Variants in EIF3C observed in about 807,000 individuals in gnomAD.
The protein encoded by EIF3C is cell migration-inducing protein 17.
In EIF3C, 2 loss-of-function variants were observed where a neutral mutation model predicts 11.1. The ratio of observed to expected loss-of-function variants is 0.18; its 90% CI spans 0.07 to 0.57. The LOEUF (loss-of-function observed/expected upper bound fraction) is 0.57, where lower values mean the gene tolerates loss of function less well. Ranked by LOEUF, EIF3C falls within the 20% of genes least tolerant of loss-of-function variation. The probability of loss-of-function intolerance (pLI) is 0.92; values close to 1 mark genes in which losing one functional copy is unlikely to be tolerated. For synonymous variants in EIF3C, 2 were observed against 41.5 expected (o/e 0.05, Z 3.66); for missense variants, 16 against 114.6 (o/e 0.14, Z 3.93).
chr16:28,698,358 A>C (rs865867909), intron 1 of EIF3C, among the ~76,000 whole-genome samples: 1,604 of 87,978 alleles, frequency 0.018, 77 homozygotes, highest in African/African-American at 0.085. Flanking sequence ...CACCTCCCGG[A>C]CGGGGCGGCT....
Position 28,699,873 on chromosome 16 carries a change from C to A in EIF3C, c.-31+11045C>A, listed in dbSNP as rs1272234262. Among the ~76,000 whole-genome samples the A allele has an allele frequency of 1.4e-4, 13 of 90,950 alleles. 4 individuals carry two copies. The highest frequency in any genetic ancestry group is 2.8e-4 in the Non-Finnish European group (13 of 46,026). 59.7% of individuals were successfully genotyped at this position (90,950 alleles called of 152,430 possible). A position where few individuals can be genotyped will look rare whatever the true frequency, so the allele number is the denominator to read the frequency against. ...TTTTTTTTCTTTTAATATCTAAAAT[C>A]CTTTTTAGAACATCATTGCTGTTTG... On this transcript the variant is annotated intron_variant, in intron 1 of 20. Transcript: ENST00000566501.
At chr16:28,693,047 TACA>T (rs1471268322) in intron 1 of EIF3C, among the ~76,000 whole-genome samples, 1 of 71,990 alleles carries the variant, frequency 1.4e-5, no homozygotes, top group East Asian at 4.2e-4. Context: ...TTTTAGGAGC[TACA>T]TTTCCAATCT....
intron 1 of EIF3C, among the ~76,000 whole-genome samples, chr16:28,697,813 A>G (rs1231970460): frequency 2.2e-4 from 18 of 82,056 alleles, no homozygotes; most frequent in South Asian, 8.6e-4. Flanking sequence ...CTCGCCGGGC[A>G]GGGGGGCTGA....
chr16:28,728,487 CTT>C (rs1370209290), intron 15 of EIF3C, among the ~76,000 whole-genome samples: 7 of 76,228 alleles, frequency 9.2e-5, no homozygotes, highest in Non-Finnish European at 2.2e-4. Context: ...GTGTGTGTAT[CTT>C]TTAGGGGGTG....
intron 1 of EIF3C, among the ~76,000 whole-genome samples, chr16:28,698,506 T>C (rs1364304470): frequency 9.3e-5 from 7 of 75,380 alleles, no homozygotes; most frequent in South Asian, 2.0e-3. Flanking sequence ...CCCTCCCGGA[T>C]GGGGCGGCTG....
At chr16:28,692,192 ACT>A (rs2048221652) in intron 1 of EIF3C, among the ~76,000 whole-genome samples, 1 of 57,296 alleles carries the variant, frequency 1.7e-5, no homozygotes, top group Non-Finnish European at 3.2e-5. Flanking sequence ...ACTGAGTCTC[ACT>A]CTGTCACCCA....
At position 28,689,279 on chromosome 16, in the gene EIF3C, T is replaced by G. The variant is rs2048210748; in HGVS notation, c.-31+451T>G. Among the ~76,000 whole-genome samples the G allele has an allele frequency of 3.9e-5, 2 of 50,674 alleles. 1 individual carries two copies. Among genetic ancestry groups the G allele is most frequent in the South Asian group, 1.2e-3 (2 of 1,610 alleles). The allele number at this position is 50,674 out of a possible 152,430, so 33.2% of individuals were successfully genotyped here. On this transcript the variant is annotated intron_variant, in intron 1 of 20. Coordinates refer to the EIF3C transcript ENST00000566501. ...ATCCCCTGTAAATAGTTCATTTTTC[T>G]GTTAAAACTTCCCTGTTTAAATGAC...
At position 28,698,458 on chromosome 16, in the gene EIF3C, G is replaced by A. The variant is rs1375368732; in HGVS notation, c.-31+9630G>A. On this transcript the variant is annotated intron_variant, in intron 1 of 20. Transcript: ENST00000566501. The stretch of plus-strand genomic sequence containing the variant: ...TGACCCCCCCACCTCCCTCCCGGAT[G>A]GCACGGCTGGCCAGGCGGAGGGGCT... Among the ~76,000 whole-genome samples the A allele has an allele frequency of 5.9e-4, 36 of 61,350 alleles. 2 individuals carry two copies. The highest frequency in any genetic ancestry group is 8.9e-4 in the Non-Finnish European group (32 of 36,012). The allele number at this position is 61,350 out of a possible 152,430, so 40.2% of individuals were successfully genotyped here.
intron 2 of EIF3C, chr16:28,712,288 C>T (rs2048307060): frequency 1.5e-5 from 1 of 68,198 alleles, no homozygotes; most frequent in African/African-American, 5.1e-5. Context: ...TTTTTTTACC[C>T]TTTGGAACAA....
chr16:28,701,214 C>G (rs1488601361), intron 1 of EIF3C: 2 of 375,442 alleles, frequency 5.3e-6, no homozygotes, highest in Middle Eastern at 1.0e-3. Flanking sequence ...ACTGCTTTTG[C>G]TGAGCGTGTC....
At chr16:28,728,430 TGTGTGTGTGTCTCTTTTAGGGG>T (rs1419371361) in intron 15 of EIF3C, among the ~76,000 whole-genome samples, 1 of 34,086 alleles carries the variant, frequency 2.9e-5, no homozygotes, top group East Asian at 5.8e-4. Flanking sequence ...CTTTTAGGGG[TGTGTGTGTGTCTCTTTTAGGGG>T]GTGTGTGTGT....
chr16:28,698,227 C>A, intron 1 of EIF3C, among the ~76,000 whole-genome samples: 1 of 126,760 alleles, frequency 7.9e-6, no homozygotes, highest in Non-Finnish European at 1.7e-5. Context: ...CCTCACCTCC[C>A]GGACGGGGCG....
At chr16:28,709,980 GT>G (rs1218746811), upstream of EIF3C, among the ~76,000 whole-genome samples, 5 of 22,554 alleles carry the variant, frequency 2.2e-4, no homozygotes, top group African/African-American at 4.7e-4. Context: ...GAACCCCTTG[GT>G]TTTTTTTTTT....
intron 1 of EIF3C, among the ~76,000 whole-genome samples, chr16:28,698,130 A>AC (rs1435828739): frequency 2.7e-5 from 1 of 37,226 alleles, no homozygotes; most frequent in Non-Finnish European, 4.9e-5. Flanking sequence ...GGGGGGGCTG[A>AC]CCCCCCCCAC....
At chr16:28,699,981 C>G (rs1292550992) in intron 1 of EIF3C, among the ~76,000 whole-genome samples, 1 of 41,262 alleles carries the variant, frequency 2.4e-5, no homozygotes, top group Non-Finnish European at 4.6e-5. Context: ...GGACCCTCCC[C>G]TCTACCTGGC....
At chr16:28,697,099 G>T in intron 1 of EIF3C, among the ~76,000 whole-genome samples, 1 of 29,152 alleles carries the variant, frequency 3.4e-5, no homozygotes, top group Non-Finnish European at 5.6e-5. Context: ...TGAGTAGCTA[G>T]GATTACAGGC....
intron 15 of EIF3C, among the ~76,000 whole-genome samples, chr16:28,728,492 AG>A (rs1435543253): frequency 1.3e-5 from 1 of 77,200 alleles, no homozygotes; most frequent in Admixed American, 1.6e-4. Context: ...TGTATCTTTT[AG>A]GGGGTGTGTG....
chr16:28,713,022 A>T (rs1356499841), intron 2 of EIF3C, among the ~76,000 whole-genome samples: 2 of 145,600 alleles, frequency 1.4e-5, no homozygotes, highest in African/African-American at 5.1e-5. Flanking sequence ...AAAATAATCC[A>T]AAAAATAATA....
At chr16:28,729,687 GT>G (rs2048420848) in intron 15 of EIF3C, among the ~76,000 whole-genome samples, 1 of 126,750 alleles carries the variant, frequency 7.9e-6, no homozygotes, top group Non-Finnish European at 1.7e-5. Flanking sequence ...ATAAGAGTAG[GT>G]GTTTTTCAGG....
Sources: gnomAD v4.1 joint callset for allele counts (sites outside exome capture counted in the v4.1 genomes callset) on GRCh38, gnomAD v4.1.1 for gene constraint, MANE v1.5 for transcripts, NCBI Gene and HGNC (gene_info 2026-07-23, HGNC 2026-07-21) for gene names.